ITGB3BP: variants seen among roughly 807,000 people sequenced by gnomAD.
ITGB3BP encodes centromere protein R.
ITGB3BP carries 27 observed loss-of-function variants against 29.1 expected under a neutral mutation model. That is an observed-to-expected ratio of 0.93 (90% CI 0.68 to 1.28). The LOEUF is 1.28. ITGB3BP is among the 50% of genes most tolerant of loss of function. ITGB3BP has a pLI of 0.00. For missense variants in ITGB3BP, 192 were observed against 200.2 expected, an observed-to-expected ratio of 0.96 and a Z score of 0.25; for synonymous variants, 61 against 61.4, an observed-to-expected ratio of 0.99 and a Z score of 0.03.
intron 1 of ITGB3BP, among the ~76,000 whole-genome samples, chr1:63,522,494 C>A (rs1026260248): frequency 3.3e-5 from 5 of 152,146 alleles, no homozygotes; most frequent in African/African-American, 1.2e-4. Flanking sequence ...CTATTTTATG[C>A]ATCTCAATAT....
intron 4 of ITGB3BP, among the ~76,000 whole-genome samples, chr1:63,456,370 T>G (rs1284013525): frequency 6.6e-6 from 1 of 152,134 alleles, no homozygotes; most frequent in Non-Finnish European, 1.5e-5. Flanking sequence ...TTACGTATTT[T>G]CAATCAGAAG....
chr1:63,491,478 G>GGGGGATA (rs1645645224), intron 2 of ITGB3BP, among the ~76,000 whole-genome samples: 2 of 152,096 alleles, frequency 1.3e-5, no homozygotes, highest in East Asian at 3.9e-4. Flanking sequence ...GGATGGATCT[G>GGGGGATA]GGGGATATAG....
At chr1:63,500,238 C>T (rs1016405893) in intron 2 of ITGB3BP, among the ~76,000 whole-genome samples, 10 of 152,174 alleles carry the variant, frequency 6.6e-5, no homozygotes, top group South Asian at 2.1e-4. Context: ...TTTAGCTGGG[C>T]GTGGTTGTGT....
chr1:63,497,556 T>TG (rs1024003060), intron 2 of ITGB3BP, among the ~76,000 whole-genome samples: 8 of 152,094 alleles, frequency 5.3e-5, no homozygotes, highest in South Asian at 4.2e-4. Flanking sequence ...TGTCTCATCC[T>TG]GGGGGGGAGA....
intron 2 of ITGB3BP, among the ~76,000 whole-genome samples, chr1:63,502,588 T>C (rs1041734984): frequency 6.6e-6 from 1 of 151,016 alleles, no homozygotes; most frequent in African/African-American, 2.4e-5. Flanking sequence ...TATGTATACA[T>C]GTGCCGTGTT....
chr1:63,481,257 A>T (rs1035791833), intron 3 of ITGB3BP, among the ~76,000 whole-genome samples: 1 of 152,146 alleles, frequency 6.6e-6, no homozygotes, highest in African/African-American at 2.4e-5. Flanking sequence ...GATCAATAGT[A>T]TTAACCTCAG....
chr1:63,476,212 G>A (rs909750692), intron 4 of ITGB3BP, among the ~76,000 whole-genome samples: 5 of 151,140 alleles, frequency 3.3e-5, no homozygotes, highest in Non-Finnish European at 7.4e-5. Flanking sequence ...CACCCAGGCT[G>A]TAGTACAGTG....
At chr1:63,448,185 G>T (rs1195417743) in intron 7 of ITGB3BP, among the ~76,000 whole-genome samples, 2 of 99,148 alleles carry the variant, frequency 2.0e-5, no homozygotes, top group Non-Finnish European at 4.0e-5. Context: ...GTTGTGGGGT[G>T]GGGGGAGGGG....
At chr1:63,509,526 C>T (rs76604282) in intron 1 of ITGB3BP, among the ~76,000 whole-genome samples, 1 of 152,016 alleles carries the variant, frequency 6.6e-6, no homozygotes, top group African/African-American at 2.4e-5. Context: ...TAGAAAATGA[C>T]TATTCGTAAG....
At chr1:63,473,312 C>T (rs1361547830) in intron 4 of ITGB3BP, among the ~76,000 whole-genome samples, 8 of 150,728 alleles carry the variant, frequency 5.3e-5, no homozygotes, top group East Asian at 4.0e-4. Flanking sequence ...GGAGCGTCTC[C>T]GCCCGGCAGC....
At chr1:63,522,748 C>A (rs542497113) in intron 1 of ITGB3BP, among the ~76,000 whole-genome samples, 51 of 152,260 alleles carry the variant, frequency 3.3e-4, no homozygotes, top group African/African-American at 1.1e-3. Context: ...AGTTCTCCCA[C>A]GGGTTTACAC....
At chr1:63,496,034 G>C (rs564728623) in intron 2 of ITGB3BP, among the ~76,000 whole-genome samples, 1 of 152,024 alleles carries the variant, frequency 6.6e-6, no homozygotes, top group East Asian at 1.9e-4. Context: ...GGGCAGTTGA[G>C]GAAACAGCTG....
intron 7 of ITGB3BP, among the ~76,000 whole-genome samples, chr1:63,450,103 T>C (rs1435908338): frequency 6.6e-6 from 1 of 151,956 alleles, no homozygotes; most frequent in Non-Finnish European, 1.5e-5. Flanking sequence ...AATTTTACTA[T>C]GTAAGAATAC....
intron 2 of ITGB3BP, among the ~76,000 whole-genome samples, chr1:63,491,784 A>G (rs1645653352): frequency 6.6e-6 from 1 of 152,188 alleles, no homozygotes; most frequent in African/African-American, 2.4e-5. Flanking sequence ...AATGCGATGA[A>G]TATCTTTTAA....
intron 3 of ITGB3BP, among the ~76,000 whole-genome samples, chr1:63,489,014 G>A (rs1018450388): frequency 4.0e-5 from 6 of 151,672 alleles, no homozygotes; most frequent in African/African-American, 1.5e-4. Context: ...TTCAGTATAG[G>A]GATGTACAAT....
chr1:63,448,341 A>T (rs1644817408), intron 7 of ITGB3BP, among the ~76,000 whole-genome samples: 1 of 151,894 alleles, frequency 6.6e-6, no homozygotes, highest in Non-Finnish European at 1.5e-5. Flanking sequence ...AAAAATAAAA[A>T]AAAAAAAGCA....
At chr1:63,525,246 A>T (rs1646566531), upstream of ITGB3BP, among the ~76,000 whole-genome samples, 2 of 152,064 alleles carry the variant, frequency 1.3e-5, no homozygotes, top group Non-Finnish European at 2.9e-5. Context: ...TTGTTCAGTG[A>T]TTCTTCTCTT....
At chr1:63,469,167 T>C (rs966461438) in intron 4 of ITGB3BP, among the ~76,000 whole-genome samples, 3 of 139,412 alleles carry the variant, frequency 2.2e-5, no homozygotes, top group African/African-American at 7.4e-5. Context: ...CTCACTGGGT[T>C]GTTAAGAGGA....
chr1:63,507,892 A>G (rs1296077211), intron 2 of ITGB3BP, among the ~76,000 whole-genome samples: 1 of 152,172 alleles, frequency 6.6e-6, no homozygotes, highest in African/African-American at 2.4e-5. Context: ...TGAGGTCATA[A>G]GTATCTCAGT....
Sources: allele counts gnomAD v4.1 joint callset (sites outside exome capture counted in the v4.1 genomes callset), GRCh38; gene constraint gnomAD v4.1.1; transcripts MANE v1.5; gene names NCBI Gene and HGNC (gene_info 2026-07-23, HGNC 2026-07-21).